The following CCDC192 variants were observed in gnomAD, a reference collection of about 807,000 sequenced individuals.
The protein encoded by CCDC192 is coiled-coil domain containing 192.
intron 5 of CCDC192, among the ~76,000 whole-genome samples, chr5:127,856,509 G>T (rs1751104570): frequency 6.6e-6 from 1 of 152,130 alleles, no homozygotes; most frequent in Non-Finnish European, 1.5e-5. Flanking sequence ...TTCCTTCAAG[G>T]ACATTTCCTT....
intron 2 of CCDC192, among the ~76,000 whole-genome samples, chr5:127,720,042 C>T (rs1468153235): frequency 3.9e-5 from 6 of 152,080 alleles, no homozygotes; most frequent in East Asian, 1.9e-4. Flanking sequence ...CCAAATCGCA[C>T]GTCCTTCTCA....
chr5:127,759,434 C>A (rs2126884931), intron 3 of CCDC192, among the ~76,000 whole-genome samples: 1 of 152,288 alleles, frequency 6.6e-6, no homozygotes, highest in South Asian at 2.1e-4. Flanking sequence ...CTCACCCCTT[C>A]CACCATGTGA....
chr5:127,892,206 A>G (rs1301206623), intron 6 of CCDC192, among the ~76,000 whole-genome samples: 9 of 152,256 alleles, frequency 5.9e-5, no homozygotes. Context: ...AAATTATCTG[A>G]TGCTATCATA....
chr5:127,748,743 T>C (rs1753939087), intron 2 of CCDC192, among the ~76,000 whole-genome samples: 1 of 144,542 alleles, frequency 6.9e-6, no homozygotes, highest in Non-Finnish European at 1.5e-5. Context: ...CCCATGAGCA[T>C]GGAATGTTCT....
At chr5:127,756,393 G>GTA (rs1412730250) in intron 3 of CCDC192, among the ~76,000 whole-genome samples, 1 of 152,108 alleles carries the variant, frequency 6.6e-6, no homozygotes, top group Non-Finnish European at 1.5e-5. Flanking sequence ...TAATTCGACG[G>GTA]GGAGGGGCCC....
rs199821407 is a variant in CCDC192 at position 127,896,964 on chromosome 5, A to AAT, written c.535+21306_535+21307dup. Among the ~76,000 whole-genome samples, 885 of 152,284 alleles carry AAT rather than the reference A, an allele frequency of 5.8e-3. 6 individuals carry two copies. Among genetic ancestry groups the AAT allele is most frequent in the Middle Eastern group, 0.044 (13 of 294 alleles). ...AAATAATGCTTTCTTTGAATTGAAAAATATTTCCTTTATGGAGCAAATGTA... is the reference window on the plus strand; with the variant it reads ...AAATAATGCTTTCTTTGAATTGAAAAATATATTTCCTTTATGGAGCAAATGTA... On this transcript the variant is annotated intron_variant, in intron 6 of 6. Coordinates refer to ENST00000514853, the MANE Select transcript of CCDC192 (RefSeq NM_001317938.2).
chr5:127,742,216 C>T lies in CCDC192; in HGVS notation c.115-12052C>T, dbSNP rs193200501. 2.0e-5 allele frequency among the ~76,000 whole-genome samples: 3 copies of T among 152,264 alleles called. No homozygotes were observed. The East Asian group carries it at 5.8e-4, about 29-fold the overall frequency. On this transcript the variant is annotated intron_variant, in intron 2 of 6. Transcript: ENST00000514853. ...GGCATGTTAAGAGTTTTGGGTCAGC[C>T]ATTATTTAAAGTTATTTATGAAGCT...
chr5:127,812,735 T>C (rs1758148589), intron 5 of CCDC192, among the ~76,000 whole-genome samples: 1 of 152,224 alleles, frequency 6.6e-6, no homozygotes. Context: ...TCTGCTCACC[T>C]TCACTTGAGT....
chr5:127,831,749 C>T lies in CCDC192; in HGVS notation c.411+33587C>T, dbSNP rs903008505. Among the ~76,000 whole-genome samples the T allele has an allele frequency of 3.3e-5, 5 of 152,072 alleles. No individual in the cohort carries two copies. The East Asian group carries it at 9.7e-4, about 29-fold the overall frequency. On this transcript the variant is annotated intron_variant, in intron 5 of 6. Transcript: ENST00000514853. ...AAATACACTTGAAAGTATACATACA[C>T]ACATATGTACACACATACTCCTGAT...
chr5:127,917,028 G>T (rs1753541068), intron 6 of CCDC192, among the ~76,000 whole-genome samples: 1 of 152,192 alleles, frequency 6.6e-6, no homozygotes, highest in African/African-American at 2.4e-5. Flanking sequence ...TCCTCCATTT[G>T]TTACCTTAGC....
chr5:127,807,782 T>C (rs957565615), intron 5 of CCDC192, among the ~76,000 whole-genome samples: 2 of 152,124 alleles, frequency 1.3e-5, no homozygotes, highest in African/African-American at 2.4e-5. Context: ...TTTAAAAAGC[T>C]TAGGTGAAAA....
intron 3 of CCDC192, chr5:127,786,825 C>T (rs1388912843): frequency 5.6e-6 from 3 of 539,930 alleles, no homozygotes; most frequent in Non-Finnish European, 1.0e-5. Context: ...AGGTGTCTGC[C>T]CCTTTTTTGA....
intron 5 of CCDC192, among the ~76,000 whole-genome samples, chr5:127,844,880 T>A (rs1397623334): frequency 1.3e-5 from 2 of 152,220 alleles, no homozygotes; most frequent in South Asian, 2.1e-4. Flanking sequence ...GGAAATAATG[T>A]CTGAAGCCTC....
chr5:127,733,180 C>A (rs1346106892), intron 2 of CCDC192, among the ~76,000 whole-genome samples: 2 of 152,020 alleles, frequency 1.3e-5, no homozygotes, highest in Non-Finnish European at 1.5e-5. Flanking sequence ...AAGGAGTAAC[C>A]AGGCTAGGAG....
intron 3 of CCDC192, chr5:127,786,617 C>A (rs1756554104): frequency 2.7e-6 from 2 of 751,348 alleles, no homozygotes; most frequent in South Asian, 1.4e-5. Context: ...CACGGTGAAC[C>A]CAGTGTCTAC....
intron 2 of CCDC192, among the ~76,000 whole-genome samples, chr5:127,749,342 A>G (rs1580588014): frequency 1.3e-5 from 2 of 152,184 alleles, no homozygotes; most frequent in Admixed American, 6.5e-5. Flanking sequence ...AATTTTGTCA[A>G]AGGCCTTTTC....
chr5:127,879,201 A>G (rs1458094650), intron 6 of CCDC192, among the ~76,000 whole-genome samples: 1 of 152,060 alleles, frequency 6.6e-6, no homozygotes, highest in Non-Finnish European at 1.5e-5. Flanking sequence ...ACAAGGCTAC[A>G]GTAACCAAAA....
rs182993978 is a variant in CCDC192 at position 127,895,546 on chromosome 5, A to G, written c.535+19885A>G. ...TTTGCAAGATATTAAATACTTAGGTAAAAAATAGTAGGGCTGGGTGTGGTA... is the reference window on the plus strand; with the variant it reads ...TTTGCAAGATATTAAATACTTAGGTGAAAAATAGTAGGGCTGGGTGTGGTA... On this transcript the variant is annotated intron_variant, in intron 6 of 6. Coordinates refer to ENST00000514853, the MANE Select transcript of CCDC192 (RefSeq NM_001317938.2). 5.9e-5 allele frequency among the ~76,000 whole-genome samples: 9 copies of G among 152,294 alleles called. No individual in the cohort carries two copies. In the East Asian group the frequency reaches 1.7e-3, roughly 29 times the overall value.
At chr5:127,895,580 C>G (rs1331428898) in intron 6 of CCDC192, among the ~76,000 whole-genome samples, 1 of 152,194 alleles carries the variant, frequency 6.6e-6, no homozygotes, top group Non-Finnish European at 1.5e-5. Flanking sequence ...TAACTCACTC[C>G]TGTAATCCCA....
Sources: allele counts gnomAD v4.1 joint callset (sites outside exome capture counted in the v4.1 genomes callset), GRCh38; gene constraint gnomAD v4.1.1; transcripts MANE v1.5; gene names NCBI Gene and HGNC (gene_info 2026-07-23, HGNC 2026-07-21).